Variants in RAB3C observed in about 807,000 individuals in gnomAD.
RAB3C encodes ras-related protein Rab-3C.
In RAB3C, 17 loss-of-function variants were observed where a neutral mutation model predicts 26.4. The ratio of observed to expected loss-of-function variants is 0.64; its 90% CI spans 0.44 to 0.97. The LOEUF is 0.97. RAB3C is among the 50% of genes least tolerant of loss of function. The probability of loss-of-function intolerance (pLI) is 0.00; values close to 1 mark genes in which losing one functional copy is unlikely to be tolerated. For synonymous variants in RAB3C, 91 were observed against 95.9 expected (o/e 0.95, Z 0.30); for missense variants, 242 against 281.9 (o/e 0.86, Z 1.01).
chr5:58,623,959 A>G (rs975002381), intron 2 of RAB3C, among the ~76,000 whole-genome samples: 2 of 152,034 alleles, frequency 1.3e-5, no homozygotes, highest in Admixed American at 6.6e-5. Flanking sequence ...AATAACACCT[A>G]CCCCTGAGCT....
At chr5:58,602,607 C>G (rs1232918899) in intron 1 of RAB3C, among the ~76,000 whole-genome samples, 1 of 152,096 alleles carries the variant, frequency 6.6e-6, no homozygotes. Context: ...CCCTCTTTGT[C>G]TCTTTTAACC....
intron 1 of RAB3C, among the ~76,000 whole-genome samples, chr5:58,606,493 T>C (rs1746575175): frequency 6.6e-6 from 1 of 152,188 alleles, no homozygotes; most frequent in African/African-American, 2.4e-5. Context: ...CAGCAGAAAC[T>C]TCTGCAGACT....
chr5:58,746,390 G>C (rs1278907797), intron 3 of RAB3C, among the ~76,000 whole-genome samples: 1 of 152,186 alleles, frequency 6.6e-6, no homozygotes, highest in African/African-American at 2.4e-5. Flanking sequence ...TCAGGGGAGA[G>C]AGAATGGGTG....
At position 58,781,947 on chromosome 5, in the gene RAB3C, T is replaced by G. The variant is rs113416651; in HGVS notation, c.372-43091T>G. 8.8e-3 allele frequency among the ~76,000 whole-genome samples: 1,343 copies of G among 152,288 alleles called. 22 individuals carry two copies. Among genetic ancestry groups the G allele is most frequent in the African/African-American group, 0.031 (1,279 of 41,564 alleles). ...TATTCTACATAAATTTTTTTTTGAT[T>G]CTCCCTTCTACCGAATCTCTACCAC... On this transcript the variant is annotated intron_variant, in intron 3 of 4. Transcript: ENST00000282878.
intron 3 of RAB3C, among the ~76,000 whole-genome samples, chr5:58,729,563 T>G (rs150005253): frequency 2.9e-4 from 44 of 151,288 alleles, no homozygotes; most frequent in African/African-American, 9.4e-4. Context: ...TTCATCCATA[T>G]TGTAGCATGT....
chr5:58,633,002 C>T (rs1461432542), intron 2 of RAB3C, among the ~76,000 whole-genome samples: 1 of 152,210 alleles, frequency 6.6e-6, no homozygotes, highest in Non-Finnish European at 1.5e-5. Context: ...CTAATACTAT[C>T]TCTGTCTCAA....
At chr5:58,802,378 T>C (rs1742830972) in intron 3 of RAB3C, among the ~76,000 whole-genome samples, 1 of 152,156 alleles carries the variant, frequency 6.6e-6, no homozygotes, top group South Asian at 2.1e-4. Flanking sequence ...AGAAAATGCA[T>C]TTATAGTGCA....
At chr5:58,751,919 G>T (rs1741536210) in intron 3 of RAB3C, among the ~76,000 whole-genome samples, 1 of 152,058 alleles carries the variant, frequency 6.6e-6, no homozygotes. Flanking sequence ...AAAAAGCAAG[G>T]GCAGAGTTCA....
At position 58,853,877 on chromosome 5, in the gene RAB3C, G is replaced by A. The variant is rs541524829; in HGVS notation, c.*2526G>A. 2.6e-5 allele frequency: 4 copies of A among 152,186 alleles called. No individual in the cohort carries two copies. Among genetic ancestry groups the A allele is most frequent in the Non-Finnish European group, 5.9e-5 (4 of 67,996 alleles). 9.4% of individuals were successfully genotyped at this position (152,186 alleles called of 1,614,324 possible). On this transcript the variant is annotated 3_prime_UTR_variant, in exon 5 of 5. Transcript: ENST00000282878. The stretch of plus-strand genomic sequence containing the variant: ...AGCTCAAGAGAAAGAACACTTAAAT[G>A]CTCCTGCTGTAATTGCATCAAAAAA...
chr5:58,789,241 T>G (rs1742466803), intron 3 of RAB3C, among the ~76,000 whole-genome samples: 2 of 152,118 alleles, frequency 1.3e-5, no homozygotes, highest in Admixed American at 1.3e-4. Context: ...TAGAGCCCGT[T>G]CTTCTCACAA....
At chr5:58,592,913 G>A (rs534422175) in intron 1 of RAB3C, among the ~76,000 whole-genome samples, 7 of 152,124 alleles carry the variant, frequency 4.6e-5, no homozygotes, top group South Asian at 2.1e-4. Context: ...TCAGATTGGC[G>A]AATTGGATAA....
intron 3 of RAB3C, among the ~76,000 whole-genome samples, chr5:58,792,139 A>C (rs1489805054): frequency 6.6e-6 from 1 of 152,236 alleles, no homozygotes; most frequent in East Asian, 1.9e-4. Flanking sequence ...GTTTCTTTGC[A>C]TGGCAAGCCA....
chr5:58,584,009 G>A (rs116601574), intron 1 of RAB3C, among the ~76,000 whole-genome samples: 316 of 152,224 alleles, frequency 2.1e-3, no homozygotes, highest in Non-Finnish European at 3.6e-3. Context: ...GATAATTCTC[G>A]TCTCTATGTA....
At chr5:58,731,189 CAG>C (rs1741012706) in intron 3 of RAB3C, among the ~76,000 whole-genome samples, 1 of 152,036 alleles carries the variant, frequency 6.6e-6, no homozygotes, top group South Asian at 2.1e-4. Flanking sequence ...AGCGAGCTAA[CAG>C]ATTATTTTGA....
intron 2 of RAB3C, among the ~76,000 whole-genome samples, chr5:58,701,667 G>A (rs955539063): frequency 3.3e-5 from 5 of 152,140 alleles, no homozygotes; most frequent in African/African-American, 1.2e-4. Flanking sequence ...CCACTTCCTT[G>A]CCTTCTCCGG....
chr5:58,753,963 T>C (rs1741590907), intron 3 of RAB3C, among the ~76,000 whole-genome samples: 1 of 152,132 alleles, frequency 6.6e-6, no homozygotes, highest in Non-Finnish European at 1.5e-5. Flanking sequence ...GGAAGAATAA[T>C]TGCTTGCCAA....
upstream of RAB3C, chr5:58,582,946 G>A: frequency 1.1e-6 from 1 of 894,380 alleles, no homozygotes. Context: ...TGGTTTGCTT[G>A]CTTGCCGGGA....
intron 1 of RAB3C, among the ~76,000 whole-genome samples, chr5:58,603,130 G>A (rs1175343014): frequency 6.6e-6 from 1 of 152,110 alleles, no homozygotes; most frequent in African/African-American, 2.4e-5. Context: ...TGAGGAAGCT[G>A]AAGATATGGC....
At position 58,857,721 on chromosome 5, in the gene RAB3C, A is replaced by G. The variant is rs1744296331; in HGVS notation, c.*6370A>G. 1 of 152,206 alleles carries G rather than the reference A, an allele frequency of 6.6e-6. No homozygotes were observed. The highest frequency in any genetic ancestry group is 1.5e-5 in the Non-Finnish European group (1 of 68,030). 9.4% of individuals were successfully genotyped at this position (152,206 alleles called of 1,614,324 possible). A position where few individuals can be genotyped will look rare whatever the true frequency, so the allele number is the denominator to read the frequency against. On this transcript the variant is annotated 3_prime_UTR_variant, in exon 5 of 5. Transcript: ENST00000282878. ...TCACTTTCAATTCTCAGTTGTCCAC[A>G]CTGGTGATATAAGAGGAACAAATCA... is the stretch of plus-strand genomic sequence containing the variant.
Sources: gnomAD v4.1 joint callset for allele counts (sites outside exome capture counted in the v4.1 genomes callset) on GRCh38, gnomAD v4.1.1 for gene constraint, MANE v1.5 for transcripts, NCBI Gene and HGNC (gene_info 2026-07-23, HGNC 2026-07-21) for gene names.